ALDH9A1: variants seen among roughly 807,000 people sequenced by gnomAD.
ALDH9A1 encodes the protein 4-trimethylaminobutyraldehyde dehydrogenase.
Under a neutral mutation model 56.6 loss-of-function variants are expected in ALDH9A1, and 42 were observed. The ratio of observed to expected loss-of-function variants is 0.74; its 90% CI spans 0.58 to 0.96. The LOEUF (loss-of-function observed/expected upper bound fraction) is 0.96, where lower values mean the gene tolerates loss of function less well. Among genes scored for constraint, ALDH9A1 ranks in the 40% least tolerant of loss-of-function variants. The pLI is 0.00. For missense variants in ALDH9A1, 661 were observed against 651.5 expected (o/e 1.01, Z -0.16); for synonymous variants, 242 against 236.0 (o/e 1.03, Z -0.23).
chr1:165,671,514 C>A, intron 6 of ALDH9A1: 1 of 461,150 alleles, frequency 2.2e-6, no homozygotes, highest in South Asian at 1.6e-5. Flanking sequence ...GTCTAAGGGA[C>A]CGCTCCTAAT....
chr1:165,684,341 G>A (rs921198844), intron 2 of ALDH9A1, among the ~76,000 whole-genome samples: 3 of 152,140 alleles, frequency 2.0e-5, no homozygotes, highest in African/African-American at 7.2e-5. Flanking sequence ...CTTCAGAAAG[G>A]ATAATCTGTT....
At chr1:165,668,526 A>C (rs1042266855) in intron 8 of ALDH9A1, 1 of 156,484 alleles carries the variant, frequency 6.4e-6, no homozygotes, top group African/African-American at 2.4e-5. Flanking sequence ...GAGCCAAATA[A>C]ACATCTTTTC....
At chr1:165,683,161 A>G in intron 2 of ALDH9A1, 51 bp from the exon 3 acceptor site, 1 of 1,573,550 alleles carries the variant, frequency 6.4e-7, no homozygotes, top group South Asian at 1.1e-5. Context: ...ATATGTCTTG[A>G]TGTAATTAAT....
chr1:165,680,687 C>T lies in ALDH9A1; in HGVS notation c.593-4G>A, dbSNP rs373394230. On this transcript the variant is annotated splice_polypyrimidine_tract_variant and splice_region_variant and intron_variant, in intron 4 of 10. Coordinates refer to ENST00000354775, the MANE Select transcript of ALDH9A1 (RefSeq NM_000696.4). ...GGTTTAAAGACCATGGCATTACCTGCATAAACCCAAGACACAAACATAAAA... is the reference window on the plus strand; with the variant it reads ...GGTTTAAAGACCATGGCATTACCTGTATAAACCCAAGACACAAACATAAAA... 2 of 1,598,198 alleles carry T rather than the reference C, an allele frequency of 1.3e-6. No individual in the cohort carries two copies. Among genetic ancestry groups the T allele is most frequent in the Admixed American group, 1.8e-5 (1 of 56,024 alleles).
intron 2 of ALDH9A1, 103 bp from the exon 3 acceptor site, chr1:165,683,213 A>T: frequency 1.7e-6 from 2 of 1,196,012 alleles, no homozygotes; most frequent in Non-Finnish European, 2.4e-6. Context: ...AACTAAAAAT[A>T]GCTTTCACTT....
intron 6 of ALDH9A1, among the ~76,000 whole-genome samples, chr1:165,671,087 T>C (rs1364998975): frequency 2.0e-5 from 3 of 152,116 alleles, no homozygotes; most frequent in East Asian, 3.9e-4. Flanking sequence ...AATAAATAAA[T>C]AAACAAACAA....
intron 2 of ALDH9A1, among the ~76,000 whole-genome samples, chr1:165,686,977 T>C (rs957361535): frequency 8.5e-5 from 13 of 152,052 alleles, no homozygotes; most frequent in Admixed American, 7.9e-4. Flanking sequence ...CAGAAAAACA[T>C]AAGCATGTTA....
In ALDH9A1 at chr1:165,689,656, G is replaced by A. The variant is rs943632480; in HGVS notation, c.327+5596C>T. 3.9e-5 allele frequency among the ~76,000 whole-genome samples: 6 copies of A among 152,118 alleles called. No homozygotes were observed. The South Asian group carries it at 6.2e-4, about 16-fold the overall frequency. ...GCTTTGAAAACAAAAAAACTAGGCC[G>A]GATGCAGTGGCTCATGCCTGTAATC... On this transcript the variant is annotated intron_variant, in intron 2 of 10. Coordinates refer to ENST00000354775, the MANE Select transcript of ALDH9A1 (RefSeq NM_000696.4).
At chr1:165,684,166 T>C (rs1050759643) in intron 2 of ALDH9A1, among the ~76,000 whole-genome samples, 4 of 152,200 alleles carry the variant, frequency 2.6e-5, no homozygotes, top group Non-Finnish European at 5.9e-5. Flanking sequence ...GGACACGCTG[T>C]ATTTCTTATA....
chr1:165,668,773 T>C, intron 8 of ALDH9A1, 153 bp downstream of exon 8: 1 of 574,332 alleles, frequency 1.7e-6, no homozygotes. Flanking sequence ...GCTTCAAAGA[T>C]AATGGAGCAG....
Position 165,680,554 on chromosome 1 carries a change from T to A in ALDH9A1, c.722A>T (p.Gln241Leu). ...NVVQGGAATG[Q>L]FLCQHPDVAK... The stretch of plus-strand genomic sequence containing the variant: ...CACATCGGGATGCTGACACAGAAAC[T>A]GGCCTGTGGCAGCCCCTCCCTGCAC... The change falls in exon 5 of 11, where the codon CAG (glutamine) becomes CTG (leucine). Residue 241 changes from glutamine (Q) to leucine (L), a missense_variant. By Grantham distance (113) the Gln-to-Leu change is moderately radical. Coordinates refer to ENST00000354775, the MANE Select transcript of ALDH9A1 (RefSeq NM_000696.4). 1.2e-6 allele frequency: 2 copies of A among 1,614,132 alleles called. No homozygotes were observed. The highest frequency in any genetic ancestry group is 1.7e-6 in the Non-Finnish European group (2 of 1,180,026).
intron 6 of ALDH9A1, among the ~76,000 whole-genome samples, chr1:165,674,585 C>A: frequency 6.8e-6 from 1 of 148,070 alleles, no homozygotes; most frequent in East Asian, 2.0e-4. Flanking sequence ...ACTCAGGAGG[C>A]TAAGGCAGGA....
At chr1:165,696,342 C>T (rs903400389) in intron 1 of ALDH9A1, among the ~76,000 whole-genome samples, 10 of 152,156 alleles carry the variant, frequency 6.6e-5, no homozygotes, top group African/African-American at 2.4e-4. Flanking sequence ...AGTTTACTAA[C>T]ATTAACTTCT....
chr1:165,676,788 G>T, intron 6 of ALDH9A1: 1 of 467,780 alleles, frequency 2.1e-6, no homozygotes, highest in South Asian at 1.8e-5. Flanking sequence ...TGGCATGATA[G>T]GTATAAAAAA....
Position 165,663,100 on chromosome 1 carries a change from G to A in ALDH9A1, c.1507C>T (p.Gln503Ter), listed in dbSNP as rs1364495683. 2 of 1,614,088 alleles carry A rather than the reference G, an allele frequency of 1.2e-6. No individual in the cohort carries two copies. The highest frequency in any genetic ancestry group is 2.2e-5 in the East Asian group (1 of 44,880). Residue 503 changes from glutamine (Q) to a stop codon, truncating the protein, a stop_gained, in exon 11 of 11, where the codon CAG becomes TAG. Transcript: ENST00000354775. LOFTEE classifies it high-confidence loss of function. Reference sequence around the variant, plus strand: ...ATCTCCACACACACAGTCTTCAGCTGTGAATAATATTCGATTGTCACACGG... The same window carrying A: ...ATCTCCACACACACAGTCTTCAGCTATGAATAATATTCGATTGTCACACGG... ...NGRVTIEYYS[Q>*]LKTVCVEMGD...
chr1:165,663,108 T>C lies in ALDH9A1; in HGVS notation c.1499A>G (p.Tyr500Cys). Reference protein sequence around the residue: ...GRENGRVTIEYYSQLKTVCVE... With the variant: ...GRENGRVTIECYSQLKTVCVE... ...ACACACAGTCTTCAGCTGTGAATAA[T>C]ATTCGATTGTCACACGGCCGTTCTC... The change falls in exon 11 of 11, where the codon TAT (tyrosine) becomes TGT (cysteine). Residue 500 changes from tyrosine (Y) to cysteine (C), a missense_variant. Physicochemically the swap from Tyr to Cys is radical, Grantham distance 194 (BLOSUM62 -2). Transcript: ENST00000354775. 6 of 1,613,996 alleles carry C rather than the reference T, an allele frequency of 3.7e-6. No individual in the cohort carries two copies. Among genetic ancestry groups the C allele is most frequent in the African/African-American group, 1.3e-5 (1 of 75,032 alleles).
At chr1:165,667,262 G>A (rs1295979024) in intron 9 of ALDH9A1, 47 bp downstream of exon 9, 2 of 1,610,316 alleles carry the variant, frequency 1.2e-6, no homozygotes, top group African/African-American at 2.7e-5. Flanking sequence ...AGCAGATACT[G>A]CAGCCCCGCT....
intron 10 of ALDH9A1, 95 bp from the exon 11 acceptor site, chr1:165,663,239 G>T: frequency 9.9e-7 from 1 of 1,009,246 alleles, no homozygotes; most frequent in South Asian, 1.3e-5. Flanking sequence ...ATCAGGGCTA[G>T]GGAAGAATAT....
At chr1:165,689,459 T>C (rs1176461365) in intron 2 of ALDH9A1, among the ~76,000 whole-genome samples, 2 of 152,190 alleles carry the variant, frequency 1.3e-5, no homozygotes, top group Non-Finnish European at 2.9e-5. Context: ...TAATAAGTAA[T>C]CTCAATCTCT....
Sources: gnomAD v4.1 joint callset for allele counts (sites outside exome capture counted in the v4.1 genomes callset) on GRCh38, gnomAD v4.1.1 for gene constraint, MANE v1.5 for transcripts, NCBI Gene and HGNC (gene_info 2026-07-23, HGNC 2026-07-21) for gene names.